The following SLC26A5 variants were observed in gnomAD, a reference collection of about 807,000 sequenced individuals.
SLC26A5 encodes the protein solute carrier family 26 member 5.
Under a neutral mutation model 81.0 loss-of-function variants are expected in SLC26A5, and 51 were observed. The observed-to-expected ratio is 0.63, with a 90% CI of 0.50 to 0.80. The LOEUF is 0.80. Among genes scored for constraint, SLC26A5 ranks in the 30% least tolerant of loss-of-function variants. The probability of loss-of-function intolerance (pLI) is 0.00; values close to 1 mark genes in which losing one functional copy is unlikely to be tolerated. For synonymous variants in SLC26A5, 325 were observed against 332.8 expected (o/e 0.98, Z 0.25); for missense variants, 771 against 905.8 (o/e 0.85, Z 1.91).
chr7:103,433,309 CA>C (rs1213130900), intron 2 of SLC26A5, among the ~76,000 whole-genome samples: 1 of 152,158 alleles, frequency 6.6e-6, no homozygotes, highest in Non-Finnish European at 1.5e-5. Flanking sequence ...TTTTTCTCTG[CA>C]TTCTTCTGAC....
intron 1 of SLC26A5, chr7:103,445,587 G>A (rs1386045280): frequency 6.6e-6 from 1 of 152,246 alleles, no homozygotes; most frequent in Non-Finnish European, 1.5e-5. Context: ...CTGAGCGGAG[G>A]GCCCAGTTTC....
intron 8 of SLC26A5, among the ~76,000 whole-genome samples, chr7:103,406,994 A>G (rs1824110957): frequency 6.6e-6 from 1 of 152,304 alleles, no homozygotes; most frequent in African/African-American, 2.4e-5. Flanking sequence ...ACACACGTGC[A>G]AACAAGCCCC....
downstream of SLC26A5, among the ~76,000 whole-genome samples, chr7:103,370,274 C>T (rs1268460294): frequency 6.6e-6 from 1 of 151,972 alleles, no homozygotes; most frequent in Non-Finnish European, 1.5e-5. Flanking sequence ...CAAGGAAGTT[C>T]GGTTTCATTT....
At chr7:103,434,064 T>C (rs761041745) in intron 2 of SLC26A5, among the ~76,000 whole-genome samples, 1 of 152,164 alleles carries the variant, frequency 6.6e-6, no homozygotes, top group Non-Finnish European at 1.5e-5. Context: ...ATTGCAATTG[T>C]GGATTAGCTC....
chr7:103,362,221 A>G (rs932175321), intron 19 of SLC26A5: 2 of 1,474,154 alleles, frequency 1.4e-6, no homozygotes, highest in Non-Finnish European at 1.8e-6. Context: ...AATGTACTAT[A>G]GTTGAAAATT....
intron 1 of SLC26A5, chr7:103,445,100 G>T (rs1480389125): frequency 6.6e-6 from 1 of 152,244 alleles, no homozygotes; most frequent in Admixed American, 6.5e-5. Context: ...GCAAAAAGTT[G>T]ATATTTTTTG....
rs961481847 is a variant in SLC26A5 at position 103,397,970 on chromosome 7, T to C, written c.933A>G (p.Glu311=). Residue 311 remains glutamate (E), a synonymous_variant, in exon 9 of 20, where the codon GAA becomes GAG. Transcript: ENST00000306312. ...TGISAGFNLK[E]SYNVDVVGTL... ...TTCCAACGACATCCACATTGTATGA[T>C]TCTTTCAAGTTAAACCCAGCTGAAA... The C allele has an allele frequency of 6.2e-7, 1 of 1,614,126 alleles. No homozygotes were observed. The highest frequency in any genetic ancestry group is 1.1e-5 in the South Asian group (1 of 91,086).
intron 1 of SLC26A5, 118 bp downstream of exon 1, chr7:103,445,980 G>A (rs1827283025): frequency 6.6e-6 from 1 of 152,428 alleles, no homozygotes; most frequent in Non-Finnish European, 1.5e-5. Flanking sequence ...GGGCCTGGGA[G>A]ACAGGGGCAG....
chr7:103,370,381 A>C (rs1252983637), downstream of SLC26A5, among the ~76,000 whole-genome samples: 17 of 145,674 alleles, frequency 1.2e-4, no homozygotes, highest in Admixed American at 2.1e-4. Context: ...ACAAGGGCAC[A>C]CCCCCACCCC....
intron 19 of SLC26A5, among the ~76,000 whole-genome samples, chr7:103,359,138 CTTTTTTTTTTTTTTTTTTTT>C (rs35936603): frequency 9.6e-5 from 3 of 31,332 alleles, no homozygotes; most frequent in South Asian, 3.7e-3. Context: ...CCATGTCTGG[CTTTTTTTTTTTTTTTTTTTT>C]TTTTTTTTTT....
At chr7:103,399,641 T>C (rs1193652660) in intron 8 of SLC26A5, among the ~76,000 whole-genome samples, 1 of 152,172 alleles carries the variant, frequency 6.6e-6, no homozygotes, top group African/African-American at 2.4e-5. Context: ...GTTACATACA[T>C]ACACAAGTGC....
chr7:103,415,294 C>T (rs1824816223), intron 4 of SLC26A5, among the ~76,000 whole-genome samples: 1 of 152,200 alleles, frequency 6.6e-6, no homozygotes, highest in Non-Finnish European at 1.5e-5. Flanking sequence ...CTGGAAGAGC[C>T]AGCTCTTTTC....
chr7:103,380,925 A>G (rs1206714945), intron 14 of SLC26A5, among the ~76,000 whole-genome samples: 1 of 151,508 alleles, frequency 6.6e-6, no homozygotes, highest in Non-Finnish European at 1.5e-5. Flanking sequence ...GAATACACAC[A>G]CATTATACGA....
At chr7:103,411,386 C>A in intron 6 of SLC26A5, 34 bp downstream of exon 6, 1 of 1,612,722 alleles carries the variant, frequency 6.2e-7, no homozygotes, top group Non-Finnish European at 8.5e-7. Flanking sequence ...GGTTAACAAA[C>A]GAGACAGTCC....
chr7:103,411,348 G>A, intron 6 of SLC26A5, 72 bp downstream of exon 6: 1 of 1,580,382 alleles, frequency 6.3e-7, no homozygotes, highest in Non-Finnish European at 8.6e-7. Flanking sequence ...AGTAAGACCA[G>A]CCAAGAGCAC....
At chr7:103,399,648 G>A (rs762298635) in intron 8 of SLC26A5, among the ~76,000 whole-genome samples, 2 of 152,112 alleles carry the variant, frequency 1.3e-5, no homozygotes, top group Non-Finnish European at 2.9e-5. Flanking sequence ...ACATACACAA[G>A]TGCCATGGTG....
At chr7:103,376,604 T>C (rs2116340056) in intron 19 of SLC26A5, among the ~76,000 whole-genome samples, 1 of 152,338 alleles carries the variant, frequency 6.6e-6, no homozygotes, top group South Asian at 2.1e-4. Flanking sequence ...CCAACTCCAG[T>C]TCAGGAGGGT....
chr7:103,395,890 A>C (rs1330361575), intron 9 of SLC26A5, among the ~76,000 whole-genome samples: 3 of 152,160 alleles, frequency 2.0e-5, no homozygotes, highest in East Asian at 1.9e-4. Context: ...TAGAAACTAA[A>C]AACTCACTGA....
chr7:103,406,289 A>C (rs1318780014), intron 8 of SLC26A5, among the ~76,000 whole-genome samples: 1 of 152,052 alleles, frequency 6.6e-6, no homozygotes, highest in Non-Finnish European at 1.5e-5. Context: ...TGTGCTTGAA[A>C]TCCAAGGGAA....
Sources: allele counts gnomAD v4.1 joint callset (sites outside exome capture counted in the v4.1 genomes callset), GRCh38; gene constraint gnomAD v4.1.1; transcripts MANE v1.5; gene names NCBI Gene and HGNC (gene_info 2026-07-23, HGNC 2026-07-21).